RBFOX1: variants seen among roughly 807,000 people sequenced by gnomAD.
RBFOX1 encodes the protein RNA binding protein fox-1 homolog 1.
RBFOX1 carries 8 observed loss-of-function variants against 57.7 expected under a neutral mutation model. The ratio of observed to expected loss-of-function variants is 0.14; its 90% CI spans 0.08 to 0.25. The LOEUF (loss-of-function observed/expected upper bound fraction) is 0.25. Ranked by LOEUF, RBFOX1 falls within the 10% of genes least tolerant of loss-of-function variation. RBFOX1 has a pLI of 1.00. For missense variants in RBFOX1, 611 were observed against 548.5 expected, an observed-to-expected ratio of 1.11 and a Z score of -1.14; for synonymous variants, 326 against 222.4, an observed-to-expected ratio of 1.47 and a Z score of -4.15.
chr16:5,255,853 C>G (rs1282657798), intron 1 of RBFOX1, among the ~76,000 whole-genome samples: 2 of 152,046 alleles, frequency 1.3e-5, no homozygotes, highest in Admixed American at 1.3e-4. Flanking sequence ...TGGGCTCAAA[C>G]TGAGCTGCCT....
intron 4 of RBFOX1, among the ~76,000 whole-genome samples, chr16:5,919,007 A>G (rs1052333846): frequency 2.0e-5 from 3 of 152,224 alleles, no homozygotes; most frequent in Non-Finnish European, 2.9e-5. Context: ...GGCTGTGACC[A>G]TGGGATAATT....
intron 4 of RBFOX1, among the ~76,000 whole-genome samples, chr16:7,258,077 G>T (rs1270953743): frequency 6.6e-6 from 1 of 152,178 alleles, no homozygotes; most frequent in African/African-American, 2.4e-5. Context: ...ATAAAATTCA[G>T]TTGGCCATAT....
chr16:7,370,402 A>C (rs1476652904), intron 4 of RBFOX1, among the ~76,000 whole-genome samples: 1 of 152,196 alleles, frequency 6.6e-6, no homozygotes, highest in Non-Finnish European at 1.5e-5. Context: ...GACTCCTGTA[A>C]CTGATTCTGA....
intron 3 of RBFOX1, among the ~76,000 whole-genome samples, chr16:6,911,088 C>A (rs1185048735): frequency 6.6e-6 from 1 of 151,862 alleles, no homozygotes; most frequent in South Asian, 2.1e-4. Context: ...GTAATCCCAG[C>A]TACTCGGGAG....
At chr16:6,044,161 G>GA (rs949968371) in intron 1 of RBFOX1, among the ~76,000 whole-genome samples, 3 of 152,114 alleles carry the variant, frequency 2.0e-5, no homozygotes, top group Non-Finnish European at 2.9e-5. Flanking sequence ...AGTTAAAACA[G>GA]AAAAAAACAA....
At chr16:5,767,511 C>G (rs1001498825) in intron 3 of RBFOX1, among the ~76,000 whole-genome samples, 18 of 152,168 alleles carry the variant, frequency 1.2e-4, no homozygotes, top group Admixed American at 5.2e-4. Context: ...TTCAGAGCCC[C>G]TGTGCAGACA....
intron 1 of RBFOX1, among the ~76,000 whole-genome samples, chr16:6,070,390 T>G (rs2095821472): frequency 6.6e-6 from 1 of 152,240 alleles, no homozygotes; most frequent in South Asian, 2.1e-4. Context: ...CTTCAGATTA[T>G]CTGCCTTTTG....
chr16:6,607,752 T>A (rs900923288), intron 2 of RBFOX1, among the ~76,000 whole-genome samples: 1 of 152,192 alleles, frequency 6.6e-6, no homozygotes, highest in African/African-American at 2.4e-5. Context: ...CTGCTGTATA[T>A]GGTTCCAAAA....
intron 4 of RBFOX1, among the ~76,000 whole-genome samples, chr16:7,366,224 C>T (rs915738572): frequency 1.3e-5 from 2 of 152,332 alleles, no homozygotes; most frequent in African/African-American, 2.4e-5. Flanking sequence ...GCTGCCATTG[C>T]ATGTTCTCTT....
chr16:7,113,867 G>C (rs1232433610), intron 4 of RBFOX1, among the ~76,000 whole-genome samples: 1 of 151,992 alleles, frequency 6.6e-6, no homozygotes, highest in South Asian at 2.1e-4. Context: ...TACTCACAAT[G>C]GCACTCTCGG....
intron 3 of RBFOX1, among the ~76,000 whole-genome samples, chr16:6,912,330 G>A (rs538404696): frequency 1.3e-5 from 2 of 152,256 alleles, no homozygotes; most frequent in South Asian, 2.1e-4. Flanking sequence ...GTGGAGCTCT[G>A]TAATTTACAC....
At chr16:6,225,630 G>T (rs924556415) in intron 1 of RBFOX1, among the ~76,000 whole-genome samples, 36 of 152,124 alleles carry the variant, frequency 2.4e-4, no homozygotes, top group African/African-American at 8.4e-4. Flanking sequence ...AAAGGGAATT[G>T]CTCACAATAC....
At chr16:6,192,711 T>G (rs561022165) in intron 1 of RBFOX1, among the ~76,000 whole-genome samples, 1 of 152,324 alleles carries the variant, frequency 6.6e-6, no homozygotes, top group African/African-American at 2.4e-5. Flanking sequence ...TATCTATAAA[T>G]CAGCAATGAT....
intron 3 of RBFOX1, among the ~76,000 whole-genome samples, chr16:5,778,531 C>G (rs971103522): frequency 6.6e-6 from 1 of 152,170 alleles, no homozygotes; most frequent in Non-Finnish European, 1.5e-5. Context: ...AGCCTGCTCC[C>G]CACAGTGCCT....
intron 3 of RBFOX1, among the ~76,000 whole-genome samples, chr16:6,872,731 G>GT (rs1485984758): frequency 1.3e-5 from 2 of 152,116 alleles, no homozygotes; most frequent in Admixed American, 6.6e-5. Context: ...CAAAACCTGT[G>GT]TTTTTTGTCC....
Position 7,009,999 on chromosome 16 carries a change from A to C in RBFOX1, c.-15-42058A>C, listed in dbSNP as rs139651389. On this transcript the variant is annotated intron_variant, in intron 3 of 15. Coordinates refer to ENST00000550418, the MANE Select transcript of RBFOX1 (RefSeq NM_018723.4). The stretch of plus-strand genomic sequence containing the variant: ...GTAAGGCTTCCTGTGCTAAAAATCA[A>C]TTAGACTTGATAGAAGCTCAGAGAA... Among the ~76,000 whole-genome samples the C allele has an allele frequency of 3.2e-4, 48 of 152,046 alleles. No individual in the cohort carries two copies. The East Asian group carries it at 8.7e-3, about 28-fold the overall frequency.
chr16:6,418,184 C>T (rs1041845471), intron 2 of RBFOX1, among the ~76,000 whole-genome samples: 2 of 152,144 alleles, frequency 1.3e-5, no homozygotes, highest in African/African-American at 4.8e-5. Context: ...TTATATTTCC[C>T]CTATTTTACC....
chr16:7,569,964 T>C (rs556655508), intron 5 of RBFOX1, among the ~76,000 whole-genome samples: 1 of 152,156 alleles, frequency 6.6e-6, no homozygotes, highest in Non-Finnish European at 1.5e-5. Flanking sequence ...GGGGGATCCT[T>C]CACATGTCAT....
intron 1 of RBFOX1, among the ~76,000 whole-genome samples, chr16:6,152,153 T>A (rs994192588): frequency 6.6e-6 from 1 of 152,216 alleles, no homozygotes. Context: ...AAATCCTGTG[T>A]CATATTAAAA....
Sources: gnomAD v4.1 joint callset for allele counts (sites outside exome capture counted in the v4.1 genomes callset) on GRCh38, gnomAD v4.1.1 for gene constraint, MANE v1.5 for transcripts, NCBI Gene and HGNC (gene_info 2026-07-23, HGNC 2026-07-21) for gene names.